PLOD2: variants seen among roughly 807,000 people sequenced by gnomAD.
PLOD2 encodes the protein procollagen-lysine,2-oxoglutarate 5-dioxygenase 2, also known as lysine hydroxylase 2.
PLOD2 carries 65 observed loss-of-function variants against 101.0 expected under a neutral mutation model. The ratio of observed to expected loss-of-function variants is 0.64; its 90% CI spans 0.53 to 0.79. PLOD2 has a LOEUF of 0.79. PLOD2 is among the 30% of genes least tolerant of loss of function. The pLI is 0.00. For synonymous variants in PLOD2, 314 were observed against 302.9 expected, an observed-to-expected ratio of 1.04 and a Z score of -0.38; for missense variants, 909 against 914.6, an observed-to-expected ratio of 0.99 and a Z score of 0.08.
Position 146,071,087 on chromosome 3 carries a change from T to C in PLOD2, c.2076A>G (p.Thr692=). 6.2e-7 allele frequency: 1 copy of C among 1,609,380 alleles called. No homozygotes were observed. Among genetic ancestry groups the C allele is most frequent in the Non-Finnish European group, 8.5e-7 (1 of 1,176,422 alleles). Residue 692 remains threonine (T), a synonymous_variant, in exon 19 of 20, where the codon ACA becomes ACG. Transcript: ENST00000282903. ...TATTAAGTGCAATGTTTATGGTAAATGTAGAAGCATCATGATGAGGACGAA... is the reference window on the plus strand; with the variant it reads ...TATTAAGTGCAATGTTTATGGTAAACGTAGAAGCATCATGATGAGGACGAA... ...RSLRPHHDAS[T]FTINIALNNV...
At chr3:146,150,006 C>G (rs2031983081) in intron 1 of PLOD2, among the ~76,000 whole-genome samples, 1 of 152,114 alleles carries the variant, frequency 6.6e-6, no homozygotes, top group African/African-American at 2.4e-5. Context: ...AGATATGCTC[C>G]ATTCTAAAGA....
Position 146,088,621 on chromosome 3 carries a change from G to C in PLOD2, c.970C>G (p.Pro324Ala). The change falls in exon 9 of 20, where the codon CCA becomes GCA. Residue 324 changes from proline (P) to alanine (A), a missense_variant. Physicochemically the swap from Pro to Ala is conservative, Grantham distance 27. Coordinates refer to ENST00000282903, the MANE Select transcript of PLOD2 (RefSeq NM_182943.3). ...ATAAAAAGTTTAAGTGCTTCTTTTG[G>C]GTAATCCAGTGTCAACAATATGTCC... is the stretch of plus-strand genomic sequence containing the variant. ...FLDILLTLDY[P>A]KEALKLFIHN... 6.3e-7 allele frequency: 1 copy of C among 1,591,292 alleles called. No individual in the cohort carries two copies. The highest frequency in any genetic ancestry group is 8.6e-7 in the Non-Finnish European group (1 of 1,160,058).
intron 1 of PLOD2, among the ~76,000 whole-genome samples, chr3:146,156,765 C>T (rs1466471533): frequency 1.3e-5 from 2 of 152,238 alleles, no homozygotes; most frequent in Non-Finnish European, 2.9e-5. Context: ...CTGTTTCTTT[C>T]TCATAGGTCC....
intron 3 of PLOD2, among the ~76,000 whole-genome samples, chr3:146,119,740 G>A (rs1184419981): frequency 2.6e-5 from 4 of 152,006 alleles, no homozygotes; most frequent in African/African-American, 7.3e-5. Context: ...ATGGTTTCCA[G>A]CTTCATCCAT....
intron 3 of PLOD2, among the ~76,000 whole-genome samples, chr3:146,118,517 T>C (rs1938026455): frequency 6.6e-6 from 1 of 152,098 alleles, no homozygotes; most frequent in Non-Finnish European, 1.5e-5. Flanking sequence ...CTTTATATTT[T>C]CAAATTGAGA....
Position 146,110,468 on chromosome 3 carries a change from T to C in PLOD2, c.339-20A>G, listed in dbSNP as rs966266542. On this transcript the variant is annotated intron_variant, in intron 3 of 19. Transcript: ENST00000282903. Reference sequence around the variant, plus strand: ...TCAAAGCTGTTCAATGAGGAAAAAATGTGTTTTAAAATACACTTGTCAGAA... The same window carrying C: ...TCAAAGCTGTTCAATGAGGAAAAAACGTGTTTTAAAATACACTTGTCAGAA... 6.5e-6 allele frequency: 10 copies of C among 1,540,398 alleles called. No homozygotes were observed. The highest frequency in any genetic ancestry group is 1.4e-5 in the African/African-American group (1 of 69,852).
intron 1 of PLOD2, among the ~76,000 whole-genome samples, chr3:146,158,094 A>G (rs923815606): frequency 6.6e-6 from 1 of 152,054 alleles, no homozygotes; most frequent in African/African-American, 2.4e-5. Context: ...AACACACACA[A>G]ATTTTATCCA....
chr3:146,127,012 C>T (rs567149026), intron 1 of PLOD2, among the ~76,000 whole-genome samples: 1 of 152,128 alleles, frequency 6.6e-6, no homozygotes, highest in South Asian at 2.1e-4. Context: ...ACTATTTTTC[C>T]ATCTATTCAT....
intron 1 of PLOD2, among the ~76,000 whole-genome samples, chr3:146,159,956 T>C (rs1173197017): frequency 1.3e-5 from 2 of 152,182 alleles, no homozygotes; most frequent in African/African-American, 2.4e-5. Flanking sequence ...TTTCTGTCCT[T>C]AGGCTTAAGA....
intron 1 of PLOD2, among the ~76,000 whole-genome samples, chr3:146,156,401 T>G (rs947442053): frequency 3.3e-5 from 5 of 152,276 alleles, no homozygotes; most frequent in African/African-American, 1.2e-4. Context: ...CTCTGCCTTG[T>G]AGCACCAAAG....
chr3:146,078,984 C>T, intron 13 of PLOD2, 132 bp downstream of exon 13: 1 of 850,750 alleles, frequency 1.2e-6, no homozygotes, highest in South Asian at 1.4e-5. Flanking sequence ...AATTTTTTAA[C>T]ACAGAACCAA....
chr3:146,112,257 A>C (rs1031239353), intron 3 of PLOD2, among the ~76,000 whole-genome samples: 4 of 152,234 alleles, frequency 2.6e-5, no homozygotes, highest in African/African-American at 9.6e-5. Flanking sequence ...CCAAATGCCC[A>C]TTAATGATAA....
chr3:146,146,915 C>T (rs2031807231), intron 1 of PLOD2, among the ~76,000 whole-genome samples: 1 of 152,068 alleles, frequency 6.6e-6, no homozygotes, highest in Non-Finnish European at 1.5e-5. Context: ...GAACCCTGAC[C>T]AACATAGGGT....
intron 1 of PLOD2, among the ~76,000 whole-genome samples, chr3:146,144,026 G>C (rs978108688): frequency 2.6e-5 from 4 of 152,000 alleles, no homozygotes; most frequent in African/African-American, 9.7e-5. Context: ...TGTGGTCCCC[G>C]CTGCCTGTAA....
At position 146,120,222 on chromosome 3, in the gene PLOD2, T is replaced by C. The variant is rs1358903363; in HGVS notation, c.338+890A>G. On this transcript the variant is annotated intron_variant, in intron 3 of 19. Transcript: ENST00000282903. Reference sequence around the variant, plus strand: ...TGATGAGCATTTTTTCATGTGTATTTTGGCTGCATAAATGTCTTCTTTTGA... The same window carrying C: ...TGATGAGCATTTTTTCATGTGTATTCTGGCTGCATAAATGTCTTCTTTTGA... Among the ~76,000 whole-genome samples the C allele has an allele frequency of 2.6e-5, 4 of 152,352 alleles. No homozygotes were observed. The East Asian group carries it at 7.7e-4, about 29-fold the overall frequency.
At chr3:146,121,351 C>T in intron 2 of PLOD2, 103 bp from the exon 3 acceptor site, 2 of 905,194 alleles carry the variant, frequency 2.2e-6, no homozygotes, top group East Asian at 2.5e-5. Flanking sequence ...TGTACCGTAA[C>T]CACTCTTCTA....
intron 2 of PLOD2, 122 bp from the exon 3 acceptor site, chr3:146,121,370 T>C (rs1200355434): frequency 3.7e-6 from 3 of 821,032 alleles, no homozygotes; most frequent in African/African-American, 3.4e-5. Flanking sequence ...TAATGTTTCA[T>C]GGAATCATGA....
chr3:146,112,833 G>C (rs1392437578), intron 3 of PLOD2, among the ~76,000 whole-genome samples: 2 of 131,130 alleles, frequency 1.5e-5, no homozygotes, highest in Non-Finnish European at 3.1e-5. Context: ...CCTGGTGACA[G>C]AGTGAGACTT....
chr3:146,080,210 T>TAA (rs1936487712), intron 12 of PLOD2, among the ~76,000 whole-genome samples: 1 of 150,714 alleles, frequency 6.6e-6, no homozygotes, highest in African/African-American at 2.4e-5. Context: ...AAGCAGATAG[T>TAA]AACAAACGCT....
Sources: gnomAD v4.1 joint callset for allele counts (sites outside exome capture counted in the v4.1 genomes callset) on GRCh38, gnomAD v4.1.1 for gene constraint, MANE v1.5 for transcripts, NCBI Gene and HGNC (gene_info 2026-07-23, HGNC 2026-07-21) for gene names.